The following SPECC1 variants were observed in gnomAD, a reference collection of about 807,000 sequenced individuals.
SPECC1 encodes cytospin-B.
SPECC1 carries 62 observed loss-of-function variants against 104.1 expected under a neutral mutation model. The ratio of observed to expected loss-of-function variants is 0.60; its 90% CI spans 0.49 to 0.74. SPECC1 has a LOEUF of 0.74. Ranked by LOEUF, SPECC1 falls within the 30% of genes least tolerant of loss-of-function variation. SPECC1 has a pLI of 0.00. For missense variants in SPECC1, 1,306 were observed against 1,310.5 expected, an observed-to-expected ratio of 1.00 and a Z score of 0.05; for synonymous variants, 513 against 501.6, an observed-to-expected ratio of 1.02 and a Z score of -0.30.
At chr17:20,294,203 A>G (rs1216459511) in intron 12 of SPECC1, among the ~76,000 whole-genome samples, 1 of 152,192 alleles carries the variant, frequency 6.6e-6, no homozygotes, top group African/African-American at 2.4e-5. Context: ...GCTGGTCTCA[A>G]ACTCTTGACC....
chr17:20,166,632 CAAAAG>C (rs1242125281), intron 3 of SPECC1, among the ~76,000 whole-genome samples: 1 of 151,916 alleles, frequency 6.6e-6, no homozygotes. Flanking sequence ...AAAGGACATT[CAAAAG>C]AAAAGAAACA....
At chr17:20,207,511 G>A (rs557353582) in intron 4 of SPECC1, among the ~76,000 whole-genome samples, 1 of 152,184 alleles carries the variant, frequency 6.6e-6, no homozygotes, top group African/African-American at 2.4e-5. Flanking sequence ...TTCTTTATCA[G>A]TCCCTCTGTG....
chr17:20,013,984 T>A (rs890675895), intron 1 of SPECC1, among the ~76,000 whole-genome samples: 1 of 152,166 alleles, frequency 6.6e-6, no homozygotes. Context: ...TGAGTGTGTA[T>A]CTGGGAGTGG....
intron 9 of SPECC1, among the ~76,000 whole-genome samples, chr17:20,252,276 T>A (rs1031819559): frequency 3.3e-5 from 5 of 152,126 alleles, no homozygotes; most frequent in African/African-American, 1.2e-4. Context: ...TTTTAAATTT[T>A]TAATTTTATT....
intron 1 of SPECC1, among the ~76,000 whole-genome samples, chr17:20,052,921 C>A (rs992697741): frequency 5.3e-5 from 8 of 152,200 alleles, no homozygotes; most frequent in Non-Finnish European, 1.0e-4. Flanking sequence ...AGTTTGTTAC[C>A]TATGCGTTTG....
chr17:20,296,403 A>G (rs978071421), intron 12 of SPECC1, among the ~76,000 whole-genome samples: 7 of 152,190 alleles, frequency 4.6e-5, no homozygotes, highest in African/African-American at 1.7e-4. Flanking sequence ...TACCAGTACC[A>G]TGCTGTTTTG....
At chr17:20,064,058 G>A (rs2046279709) in intron 1 of SPECC1, among the ~76,000 whole-genome samples, 1 of 152,222 alleles carries the variant, frequency 6.6e-6, no homozygotes. Context: ...CAGGGCCAGA[G>A]TTGGCAGAAG....
chr17:20,205,436 A>T lies in SPECC1; in HGVS notation c.1387A>T (p.Ile463Phe), dbSNP rs751835751. ...AGAGCCCACCACTCAGGAAGGAAAA[A>T]TTATTGAACTGGAGCAGAAGTGCAC... ...NEEPTTQEGKIIELEQKCTGI... is the reference protein window; with the variant it reads ...NEEPTTQEGKFIELEQKCTGI... Residue 463 changes from isoleucine to phenylalanine, a missense_variant, in exon 4 of 15, where the codon ATT becomes TTT. By Grantham distance (21) the Ile-to-Phe change is conservative. Coordinates refer to ENST00000395527, the MANE Select transcript of SPECC1 (RefSeq NM_001243439.2). The T allele has an allele frequency of 4.6e-5, 74 of 1,613,986 alleles. No individual in the cohort carries two copies. Among genetic ancestry groups the T allele is most frequent in the Non-Finnish European group, 3.9e-5 (46 of 1,180,034 alleles).
rs555475237 is a variant in SPECC1, at chr17:20,051,496, A to G, written c.-22+42072A>G. On this transcript the variant is annotated intron_variant, in intron 1 of 14. Transcript: ENST00000395527. ...AGCTAGCACTTGGTTATTTCTTTAA[A>G]AAATCAAATTTAAATTCTGTCCTGA... 7.2e-5 allele frequency among the ~76,000 whole-genome samples: 11 copies of G among 152,312 alleles called. No homozygotes were observed. The South Asian group carries it at 2.3e-3, about 32-fold the overall frequency.
In SPECC1 at chr17:20,231,451, A is replaced by G. The variant is rs112956039; in HGVS notation, c.2072-307A>G. Among the ~76,000 whole-genome samples, 647 of 152,310 alleles carry G rather than the reference A, an allele frequency of 4.2e-3. 3 individuals carry two copies. The highest frequency in any genetic ancestry group is 0.014 in the African/African-American group (566 of 41,562). ...GGCCGGACTCGGTATGCAAGTGTGCATGGCCATGGAGGCCTCTTCCCGTAG... is the reference window on the plus strand; with the variant it reads ...GGCCGGACTCGGTATGCAAGTGTGCGTGGCCATGGAGGCCTCTTCCCGTAG... On this transcript the variant is annotated intron_variant, in intron 5 of 14. Coordinates refer to ENST00000395527, the MANE Select transcript of SPECC1 (RefSeq NM_001243439.2).
At chr17:20,217,732 A>C (rs2037594062) in intron 4 of SPECC1, among the ~76,000 whole-genome samples, 1 of 152,156 alleles carries the variant, frequency 6.6e-6, no homozygotes, top group African/African-American at 2.4e-5. Context: ...CAGGATCTAA[A>C]ATGCATTACT....
chr17:20,228,647 A>G (rs1434320448), intron 5 of SPECC1, among the ~76,000 whole-genome samples: 2 of 152,322 alleles, frequency 1.3e-5, no homozygotes, highest in East Asian at 1.9e-4. Flanking sequence ...GGAGAAAACA[A>G]TTCCCGCATG....
At chr17:20,020,406 G>T (rs1052922602) in intron 1 of SPECC1, among the ~76,000 whole-genome samples, 1 of 151,822 alleles carries the variant, frequency 6.6e-6, no homozygotes, top group Non-Finnish European at 1.5e-5. Flanking sequence ...TGTGATCTCG[G>T]CTCCCTGCAA....
At chr17:20,275,741 G>A (rs1481679575) in intron 12 of SPECC1, among the ~76,000 whole-genome samples, 2 of 152,152 alleles carry the variant, frequency 1.3e-5, no homozygotes, top group Non-Finnish European at 2.9e-5. Flanking sequence ...TATTCTCAGG[G>A]CTCAAGGCCT....
At chr17:20,292,743 A>T (rs543069593) in intron 12 of SPECC1, among the ~76,000 whole-genome samples, 50 of 152,334 alleles carry the variant, frequency 3.3e-4, no homozygotes, top group African/African-American at 1.2e-3. Flanking sequence ...AAGTTACAAG[A>T]TGGGGCCCTC....
chr17:20,142,437 C>G (rs1415383307), intron 3 of SPECC1, among the ~76,000 whole-genome samples: 1 of 152,080 alleles, frequency 6.6e-6, no homozygotes, highest in Non-Finnish European at 1.5e-5. Flanking sequence ...TCAACAGATG[C>G]GTAGATCAAC....
intron 1 of SPECC1, among the ~76,000 whole-genome samples, chr17:20,040,881 A>C (rs565093378): frequency 6.6e-6 from 1 of 152,098 alleles, no homozygotes; most frequent in Non-Finnish European, 1.5e-5. Context: ...GTTTTCAGCT[A>C]TTATTTTTTG....
chr17:20,051,039 A>C (rs1218448336), intron 1 of SPECC1, among the ~76,000 whole-genome samples: 2 of 151,354 alleles, frequency 1.3e-5, no homozygotes, highest in African/African-American at 4.9e-5. Flanking sequence ...GTCCCAAATA[A>C]GCACTTGGTT....
At chr17:20,238,265 T>G (rs2039027487) in intron 7 of SPECC1, 1 of 1,040,998 alleles carries the variant, frequency 9.6e-7, no homozygotes, top group Non-Finnish European at 1.2e-6. Context: ...TACACCAAAG[T>G]TTCATGGATG....
Sources: allele counts gnomAD v4.1 joint callset (sites outside exome capture counted in the v4.1 genomes callset), GRCh38; gene constraint gnomAD v4.1.1; transcripts MANE v1.5; gene names NCBI Gene and HGNC (gene_info 2026-07-23, HGNC 2026-07-21).